ZNF704: variants seen among roughly 807,000 people sequenced by gnomAD.
ZNF704 encodes the protein glucocorticoid induced gene 1.
ZNF704 carries 10 observed loss-of-function variants against 44.7 expected under a neutral mutation model. That is an observed-to-expected ratio of 0.22 (90% CI 0.14 to 0.38). ZNF704 has a LOEUF of 0.38. Among genes scored for constraint, ZNF704 ranks in the 10% least tolerant of loss-of-function variants. The pLI, the probability that ZNF704 is intolerant of heterozygous loss-of-function variation, is 1.00. For synonymous variants in ZNF704, 211 were observed against 207.6 expected (o/e 1.02, Z -0.14); for missense variants, 390 against 545.5 (o/e 0.71, Z 2.84).
intron 1 of ZNF704, among the ~76,000 whole-genome samples, chr8:80,836,737 T>A (rs974493620): frequency 6.6e-6 from 1 of 152,114 alleles, no homozygotes; most frequent in African/African-American, 2.4e-5. Flanking sequence ...TGCAATGAGC[T>A]AAGATCACAC....
upstream of ZNF704, among the ~76,000 whole-genome samples, chr8:80,875,748 G>A (rs1809347940): frequency 6.6e-6 from 1 of 152,224 alleles, no homozygotes; most frequent in Non-Finnish European, 1.5e-5. Context: ...GTTAATTATT[G>A]TTGGACATTT....
intron 6 of ZNF704, among the ~76,000 whole-genome samples, chr8:80,660,433 C>G (rs1460165464): frequency 6.7e-6 from 1 of 148,660 alleles, no homozygotes; most frequent in Non-Finnish European, 1.5e-5. Flanking sequence ...GATCATGCCA[C>G]TGCACTCCAG....
intron 5 of ZNF704, 45 bp downstream of exon 5, chr8:80,670,458 A>G (rs1407351347): frequency 1.4e-6 from 2 of 1,439,756 alleles, no homozygotes; most frequent in East Asian, 4.6e-5. Flanking sequence ...GTGGCCCTAG[A>G]CTGAGCAGAT....
chr8:80,860,860 T>A (rs7824362), intron 1 of ZNF704, among the ~76,000 whole-genome samples: 8,565 of 152,334 alleles, frequency 0.056, 268 homozygotes, highest in Middle Eastern at 0.14. Flanking sequence ...CATTCCTTAT[T>A]GTGTTTATGT....
chr8:80,720,168 C>A (rs1320599228), intron 2 of ZNF704, among the ~76,000 whole-genome samples: 1 of 152,204 alleles, frequency 6.6e-6, no homozygotes, highest in Non-Finnish European at 1.5e-5. Flanking sequence ...GATGTGACTC[C>A]TTGGACATCA....
In ZNF704 at chr8:80,638,258, G is replaced by A. The variant is rs1817690798; in HGVS notation, c.*3108C>T. ...GTCACTATGAAATGACTTCTTTGGAGAGAGATGAAAAACCTTTTCTGAAGG... is the reference window on the plus strand; with the variant it reads ...GTCACTATGAAATGACTTCTTTGGAAAGAGATGAAAAACCTTTTCTGAAGG... On this transcript the variant is annotated 3_prime_UTR_variant, in exon 9 of 9. Transcript: ENST00000327835. 6.6e-6 allele frequency: 1 copy of A among 152,164 alleles called. No homozygotes were observed. Among genetic ancestry groups the A allele is most frequent in the African/African-American group, 2.4e-5 (1 of 41,428 alleles). The allele number at this position is 152,164 out of a possible 1,614,324, so 9.4% of individuals were successfully genotyped here.
chr8:80,731,787 AC>A (rs936797112), intron 2 of ZNF704, among the ~76,000 whole-genome samples: 2 of 151,194 alleles, frequency 1.3e-5, no homozygotes, highest in African/African-American at 4.9e-5. Flanking sequence ...AAACCAGAAA[AC>A]CCCCCAAACA....
At chr8:80,709,425 A>T (rs1281643783) in intron 2 of ZNF704, among the ~76,000 whole-genome samples, 6 of 129,304 alleles carry the variant, frequency 4.6e-5, no homozygotes, top group Non-Finnish European at 9.5e-5. Flanking sequence ...CCTTGGCAAC[A>T]GTGCGAGACT....
At chr8:80,780,685 A>G (rs1006178711) in intron 2 of ZNF704, among the ~76,000 whole-genome samples, 3 of 152,152 alleles carry the variant, frequency 2.0e-5, no homozygotes, top group African/African-American at 7.2e-5. Context: ...GCAAGGGGCA[A>G]TGCGATCACT....
chr8:80,803,310 A>G (rs1438996200), intron 2 of ZNF704, among the ~76,000 whole-genome samples: 2 of 152,206 alleles, frequency 1.3e-5, no homozygotes, highest in Admixed American at 6.5e-5. Flanking sequence ...TACCATTGAC[A>G]TTCTTCACAG....
intron 2 of ZNF704, among the ~76,000 whole-genome samples, chr8:80,729,580 G>C (rs1806540556): frequency 6.6e-6 from 1 of 152,140 alleles, no homozygotes; most frequent in South Asian, 2.1e-4. Context: ...ATTGAATTAA[G>C]TGGGAGTCAA....
intron 2 of ZNF704, among the ~76,000 whole-genome samples, chr8:80,753,738 T>A (rs1218311577): frequency 6.6e-6 from 1 of 152,156 alleles, no homozygotes; most frequent in African/African-American, 2.4e-5. Context: ...ATGTTTAAAG[T>A]AATATCATCC....
At chr8:80,679,583 A>G (rs114900339) in intron 4 of ZNF704, among the ~76,000 whole-genome samples, 5,301 of 152,290 alleles carry the variant, frequency 0.035, 307 homozygotes, top group African/African-American at 0.12. Context: ...CATGGATAAC[A>G]GCTGAAAATT....
intron 5 of ZNF704, among the ~76,000 whole-genome samples, chr8:80,669,229 T>C (rs1386180935): frequency 1.3e-5 from 2 of 152,226 alleles, no homozygotes; most frequent in African/African-American, 4.8e-5. Flanking sequence ...AAGTTCTTTC[T>C]AAACCTTTAA....
chr8:80,720,083 T>C (rs1327900874), intron 2 of ZNF704, among the ~76,000 whole-genome samples: 1 of 152,248 alleles, frequency 6.6e-6, no homozygotes, highest in African/African-American at 2.4e-5. Flanking sequence ...TCTGTCTGCC[T>C]GCCTCTAAAA....
At chr8:80,643,908 T>A (rs2131590230) in intron 7 of ZNF704, among the ~76,000 whole-genome samples, 1 of 152,280 alleles carries the variant, frequency 6.6e-6, no homozygotes, top group East Asian at 1.9e-4. Context: ...CAGGTCTAGG[T>A]CTTCTGTTGG....
intron 2 of ZNF704, among the ~76,000 whole-genome samples, chr8:80,803,012 C>T (rs1397810843): frequency 1.3e-5 from 2 of 151,950 alleles, no homozygotes; most frequent in African/African-American, 4.8e-5. Flanking sequence ...AAAAAATCAA[C>T]GTGCAAAAAT....
At chr8:80,819,264 T>C (rs1306757834) in intron 2 of ZNF704, among the ~76,000 whole-genome samples, 5 of 152,120 alleles carry the variant, frequency 3.3e-5, no homozygotes, top group Non-Finnish European at 7.4e-5. Flanking sequence ...GTACATTCAG[T>C]GAACCATAAA....
intron 1 of ZNF704, among the ~76,000 whole-genome samples, chr8:80,873,961 G>C (rs956299363): frequency 2.0e-5 from 3 of 146,656 alleles, no homozygotes; most frequent in African/African-American, 4.9e-5. Flanking sequence ...TGGCGGGCGC[G>C]GGCGCCGGCC....
Sources: allele counts gnomAD v4.1 joint callset (sites outside exome capture counted in the v4.1 genomes callset), GRCh38; gene constraint gnomAD v4.1.1; transcripts MANE v1.5; gene names NCBI Gene and HGNC (gene_info 2026-07-23, HGNC 2026-07-21).